The following CEP170 variants were observed in gnomAD, a reference collection of about 807,000 sequenced individuals.
CEP170 encodes centrosomal protein 170.
A neutral mutation model predicts 151.9 loss-of-function variants in CEP170; 21 were observed. That is an observed-to-expected ratio of 0.14 (90% CI 0.10 to 0.20). The LOEUF (loss-of-function observed/expected upper bound fraction) is 0.20. Among genes scored for constraint, CEP170 ranks in the 10% least tolerant of loss-of-function variants. The pLI, the probability that CEP170 is intolerant of heterozygous loss-of-function variation, is 1.00. For missense variants in CEP170, 964 were observed against 1,892.9 expected (o/e 0.51, Z 9.11); for synonymous variants, 356 against 648.8 (o/e 0.55, Z 6.86).
intron 13 of CEP170, among the ~76,000 whole-genome samples, chr1:243,157,837 C>T (rs1028344543): frequency 2.6e-5 from 4 of 152,136 alleles, no homozygotes; most frequent in Non-Finnish European, 1.5e-5. Flanking sequence ...TAGAGCCTAT[C>T]GATTCGTCCT....
At chr1:243,152,371 G>A (rs1161941086) in intron 14 of CEP170, among the ~76,000 whole-genome samples, 1 of 150,310 alleles carries the variant, frequency 6.7e-6, no homozygotes, top group Non-Finnish European at 1.5e-5. Flanking sequence ...ACAGGCGCCC[G>A]CCACCACGCC....
intron 1 of CEP170, among the ~76,000 whole-genome samples, chr1:243,236,096 T>C (rs1171307479): frequency 3.3e-5 from 5 of 152,214 alleles, no homozygotes; most frequent in Admixed American, 6.5e-5. Flanking sequence ...ACTGTGCTAA[T>C]TGCTTCTATT....
At chr1:243,170,081 T>TATTTTA (rs1366723679) in intron 11 of CEP170, among the ~76,000 whole-genome samples, 1 of 152,136 alleles carries the variant, frequency 6.6e-6, no homozygotes, top group Non-Finnish European at 1.5e-5. Context: ...TCACAACAAA[T>TATTTTA]ATTTTATTAA....
chr1:243,186,823 A>C (rs2059966638), intron 8 of CEP170, among the ~76,000 whole-genome samples: 1 of 152,216 alleles, frequency 6.6e-6, no homozygotes, highest in Non-Finnish European at 1.5e-5. Context: ...AAAAGACAAG[A>C]AAAAGGGTAA....
intron 7 of CEP170, among the ~76,000 whole-genome samples, chr1:243,194,648 A>C (rs1243070490): frequency 2.0e-5 from 3 of 151,880 alleles, no homozygotes. Context: ...CCTAATAGAA[A>C]ACTATAAGGG....
At chr1:243,241,163 T>G (rs994157437) in intron 1 of CEP170, among the ~76,000 whole-genome samples, 2 of 152,246 alleles carry the variant, frequency 1.3e-5, no homozygotes, top group African/African-American at 2.4e-5. Flanking sequence ...GAAACACAAC[T>G]TTTTGCAAGA....
chr1:243,207,134 T>A (rs1266640623), intron 4 of CEP170, among the ~76,000 whole-genome samples: 2 of 152,162 alleles, frequency 1.3e-5, no homozygotes, highest in Non-Finnish European at 2.9e-5. Flanking sequence ...GTAAAAATTA[T>A]CGTATCAGAT....
Position 243,185,761 on chromosome 1 carries a change from C to T in CEP170, c.1566+18G>A. On this transcript the variant is annotated intron_variant, in intron 10 of 19. Transcript: ENST00000366542. The surrounding 1 kb of genome is among the most constrained non-coding windows in gnomAD (Gnocchi z 4.9). Reference sequence around the variant, plus strand: ...ACCACACAACAACTAAGATCACACTCAAATTTCAATTATTTACCTTGTCAA... The same window carrying T: ...ACCACACAACAACTAAGATCACACTTAAATTTCAATTATTTACCTTGTCAA... The T allele has an allele frequency of 6.4e-7, 1 of 1,567,534 alleles. No homozygotes were observed.
chr1:243,198,043 T>A (rs190317237), intron 7 of CEP170, among the ~76,000 whole-genome samples: 43 of 152,220 alleles, frequency 2.8e-4, no homozygotes, highest in Admixed American at 5.9e-4. Context: ...AATGTCCTAT[T>A]TATCTTGTAG....
intron 1 of CEP170, among the ~76,000 whole-genome samples, chr1:243,245,405 C>A (rs1411071797): frequency 1.3e-5 from 2 of 151,712 alleles, no homozygotes; most frequent in Non-Finnish European, 2.9e-5. Context: ...CAAAATGAGA[C>A]CTTGTCTCTA....
chr1:243,164,758 G>C lies in CEP170; in HGVS notation c.3202C>G (p.Leu1068Val), dbSNP rs948935646. The C allele has an allele frequency of 6.2e-7, 1 of 1,613,118 alleles. No individual in the cohort carries two copies. The highest frequency in any genetic ancestry group is 8.5e-7 in the Non-Finnish European group (1 of 1,179,374). ...GATTTCGTTACTTTACTTCCTTCCAGTTTGGAATGTACATGCTCATCAGCT... is the reference window on the plus strand; with the variant it reads ...GATTTCGTTACTTTACTTCCTTCCACTTTGGAATGTACATGCTCATCAGCT... Reference protein sequence around the residue: ...TSADEHVHSKLEGSKVTKSKT... With the variant: ...TSADEHVHSKVEGSKVTKSKT... Residue 1068 changes from leucine to valine, a missense_variant, in exon 13 of 20, where the codon CTG becomes GTG. Transcript: ENST00000366542.
intron 6 of CEP170, among the ~76,000 whole-genome samples, chr1:243,199,449 T>TA: frequency 1.3e-5 from 2 of 152,178 alleles, no homozygotes; most frequent in East Asian, 3.9e-4. Context: ...TCAATAGCTT[T>TA]TTGTTAAGGT....
At chr1:243,193,837 G>A (rs1325358297) in intron 7 of CEP170, among the ~76,000 whole-genome samples, 2 of 151,644 alleles carry the variant, frequency 1.3e-5, no homozygotes, top group Non-Finnish European at 2.9e-5. Flanking sequence ...TCATCATAAA[G>A]TGAGAAAACA....
chr1:243,172,222 T>G (rs939241127), intron 11 of CEP170, among the ~76,000 whole-genome samples: 10 of 152,302 alleles, frequency 6.6e-5, no homozygotes, highest in Admixed American at 2.6e-4. Context: ...AAAATTAAAG[T>G]TGAATTACTG....
chr1:243,132,278 A>T (rs2054515740), intron 17 of CEP170, among the ~76,000 whole-genome samples: 1 of 152,188 alleles, frequency 6.6e-6, no homozygotes, highest in African/African-American at 2.4e-5. Context: ...CCTACCTTTG[A>T]ATAGTATCTT....
At chr1:243,235,296 G>T (rs1160417530) in intron 1 of CEP170, among the ~76,000 whole-genome samples, 1 of 152,134 alleles carries the variant, frequency 6.6e-6, no homozygotes, top group Non-Finnish European at 1.5e-5. Context: ...TTGAGAAACT[G>T]ACATATGCTT....
intron 4 of CEP170, among the ~76,000 whole-genome samples, chr1:243,210,699 C>G (rs1449732494): frequency 2.1e-5 from 3 of 144,336 alleles, no homozygotes; most frequent in African/African-American, 7.8e-5. Flanking sequence ...ACTGCAACCT[C>G]TGCCTCCTGG....
chr1:243,216,456 T>G (rs1236724765), intron 3 of CEP170, among the ~76,000 whole-genome samples: 2 of 151,878 alleles, frequency 1.3e-5, no homozygotes. Flanking sequence ...CATCTGGTGT[T>G]TGGTTTTTTG....
chr1:243,189,573 A>T (rs1385278280), intron 8 of CEP170, among the ~76,000 whole-genome samples: 1 of 151,714 alleles, frequency 6.6e-6, no homozygotes, highest in East Asian at 1.9e-4. Context: ...AAAAAAAAAA[A>T]ATAGTAGTAA....
Sources: allele counts gnomAD v4.1 joint callset (sites outside exome capture counted in the v4.1 genomes callset), GRCh38; gene constraint gnomAD v4.1.1; non-coding constraint Gnocchi (gnomAD v3.1); transcripts MANE v1.5; gene names NCBI Gene and HGNC (gene_info 2026-07-23, HGNC 2026-07-21).